CRB1: variants seen among roughly 807,000 people sequenced by gnomAD.
CRB1 encodes crumbs cell polarity complex component 1.
In CRB1, 83 loss-of-function variants were observed where a neutral mutation model predicts 120.0. The observed-to-expected ratio is 0.69, with a 90% CI of 0.58 to 0.83. The LOEUF is 0.83. CRB1 is among the 40% of genes least tolerant of loss of function. The pLI, the probability that CRB1 is intolerant of heterozygous loss-of-function variation, is 0.00. For synonymous variants in CRB1, 625 were observed against 612.5 expected (o/e 1.02, Z -0.30); for missense variants, 1,699 against 1,687.6 (o/e 1.01, Z -0.12).
the CRB1 span, among the ~76,000 whole-genome samples, chr1:197,236,848 G>A: frequency 4.6e-5 from 7 of 152,148 alleles, no homozygotes; most frequent in Non-Finnish European, 8.8e-5. Flanking sequence ...TTGCATACCT[G>A]AAATAAATCT....
chr1:197,344,534 T>G, intron 3 of CRB1, 58 bp downstream of exon 3: 3 of 1,514,284 alleles, frequency 2.0e-6, no homozygotes, highest in Non-Finnish European at 2.8e-6. Flanking sequence ...TGAACTATTT[T>G]ACCACTCTGT....
At chr1:197,268,144 G>T (rs1044213887), upstream of CRB1, 2 of 432,158 alleles carry the variant, frequency 4.6e-6, no homozygotes, top group African/African-American at 4.0e-5. Flanking sequence ...AAGGCTTGAG[G>T]GGGGAATGAA....
At chr1:197,469,422 A>G (rs182033176) in intron 11 of CRB1, among the ~76,000 whole-genome samples, 1 of 152,234 alleles carries the variant, frequency 6.6e-6, no homozygotes, top group East Asian at 1.9e-4. Flanking sequence ...TTGGGCCAGG[A>G]TTGTGACTGT....
chr1:197,256,827 A>T, the CRB1 span, among the ~76,000 whole-genome samples: 1 of 151,984 alleles, frequency 6.6e-6, no homozygotes, highest in Non-Finnish European at 1.5e-5. Context: ...AATTTCAGAA[A>T]AAAAAACAAA....
At chr1:197,286,900 A>C (rs1655861235) in intron 1 of CRB1, among the ~76,000 whole-genome samples, 2 of 151,872 alleles carry the variant, frequency 1.3e-5, no homozygotes, top group Admixed American at 6.6e-5. Context: ...ATTTTGTTTC[A>C]TTCAAGGGAA....
intron 5 of CRB1, among the ~76,000 whole-genome samples, chr1:197,415,218 TA>T (rs1459527154): frequency 6.6e-6 from 1 of 152,210 alleles, no homozygotes; most frequent in Non-Finnish European, 1.5e-5. Context: ...TGTAAAGAAA[TA>T]AACATCTTAT....
At chr1:197,283,085 T>C (rs759386567) in intron 1 of CRB1, among the ~76,000 whole-genome samples, 1 of 151,338 alleles carries the variant, frequency 6.6e-6, no homozygotes, top group Non-Finnish European at 1.5e-5. Context: ...AAGGTCATTT[T>C]TGTTTTCCAA....
intron 5 of CRB1, among the ~76,000 whole-genome samples, chr1:197,384,359 A>G (rs1471176768): frequency 6.6e-6 from 1 of 152,122 alleles, no homozygotes; most frequent in East Asian, 1.9e-4. Context: ...AGAATGATCC[A>G]AAGGCTTGGA....
rs1571646484 is a variant in CRB1, at chr1:197,478,114, A to G, written c.*235A>G. The G allele has an allele frequency of 8.3e-5, 45 of 540,380 alleles. 1 individual carries two copies. The East Asian group carries it at 1.5e-3, about 18-fold the overall frequency. The allele number at this position is 540,380 out of a possible 1,614,324, so 33.5% of individuals were successfully genotyped here. A position where few individuals can be genotyped will look rare whatever the true frequency, so the allele number is the denominator to read the frequency against. On this transcript the variant is annotated 3_prime_UTR_variant, in exon 12 of 12. Coordinates refer to ENST00000367400, the MANE Select transcript of CRB1 (RefSeq NM_201253.3). Reference sequence around the variant, plus strand: ...AGTCTGTGCCAGTAATTTCAGCCTTATAATTAGCAAAAACATCTTCCAGAG... The same window carrying G: ...AGTCTGTGCCAGTAATTTCAGCCTTGTAATTAGCAAAAACATCTTCCAGAG...
chr1:197,398,987 C>T (rs1163105866), intron 5 of CRB1, among the ~76,000 whole-genome samples: 1 of 150,894 alleles, frequency 6.6e-6, no homozygotes, highest in East Asian at 2.0e-4. Context: ...TAATAGTTGT[C>T]TATTTCTTTC....
chr1:197,348,281 C>G (rs1659890184), intron 4 of CRB1, among the ~76,000 whole-genome samples: 1 of 152,068 alleles, frequency 6.6e-6, no homozygotes, highest in Admixed American at 6.5e-5. Flanking sequence ...GAGATGACAG[C>G]TTCATGTGTG....
At chr1:197,399,069 T>A (rs1453594852) in intron 5 of CRB1, among the ~76,000 whole-genome samples, 1 of 152,162 alleles carries the variant, frequency 6.6e-6, no homozygotes, top group Non-Finnish European at 1.5e-5. Context: ...GCTCACCTTC[T>A]TCATCTGTTA....
chr1:197,370,749 T>C (rs907813331), intron 5 of CRB1, among the ~76,000 whole-genome samples: 3 of 152,178 alleles, frequency 2.0e-5, no homozygotes, highest in Non-Finnish European at 4.4e-5. Flanking sequence ...TGAACTGCAC[T>C]GCTCACTACC....
chr1:197,218,070 A>AT, the CRB1 span, among the ~76,000 whole-genome samples: 1 of 152,204 alleles, frequency 6.6e-6, no homozygotes, highest in African/African-American at 2.4e-5. Flanking sequence ...ATAAACATGC[A>AT]TTTTCATAAT....
intron 4 of CRB1, among the ~76,000 whole-genome samples, chr1:197,351,384 A>G (rs1660095585): frequency 6.6e-6 from 1 of 150,672 alleles, no homozygotes; most frequent in Non-Finnish European, 1.5e-5. Flanking sequence ...AAAAAAAAAA[A>G]AAGGAGAAGA....
rs766622294 is a variant in CRB1, at chr1:197,328,474, C to T, written c.123C>T (p.Asn41=). Residue 41 remains asparagine (N), a synonymous_variant, in exon 2 of 12, where the codon AAC becomes AAT. Transcript: ENST00000367400. ...NTRCLSNSCQ[N]NSTCKDFSKD... ...GGTGCCTCTCAAATTCTTGCCAAAA[C>T]AATTCTACATGCAAAGATTTTTCAA... is the stretch of plus-strand genomic sequence containing the variant. 3.7e-6 allele frequency: 6 copies of T among 1,614,046 alleles called. No homozygotes were observed. The African/African-American group carries it at 6.7e-5, about 18-fold the overall frequency.
At chr1:197,316,936 A>G (rs1298845292) in intron 1 of CRB1, among the ~76,000 whole-genome samples, 1 of 151,146 alleles carries the variant, frequency 6.6e-6, no homozygotes, top group Admixed American at 6.6e-5. Context: ...AAAAAAACCC[A>G]GAATGCCTAG....
chr1:197,433,316 GTAAT>G (rs1397403274), intron 8 of CRB1, among the ~76,000 whole-genome samples: 2 of 152,152 alleles, frequency 1.3e-5, no homozygotes, highest in African/African-American at 4.8e-5. Context: ...ACACTAAGAA[GTAAT>G]TAGTCTTAAT....
upstream of CRB1, chr1:197,268,152 G>C (rs1432014805): frequency 2.2e-6 from 1 of 445,504 alleles, no homozygotes; most frequent in Non-Finnish European, 4.1e-6. Context: ...AGGGGGGAAT[G>C]AATCCAATCC....
Sources: gnomAD v4.1 joint callset for allele counts (sites outside exome capture counted in the v4.1 genomes callset) on GRCh38, gnomAD v4.1.1 for gene constraint, MANE v1.5 for transcripts, NCBI Gene and HGNC (gene_info 2026-07-23, HGNC 2026-07-21) for gene names.